NDUFA12: variants seen among roughly 807,000 people sequenced by gnomAD.
NDUFA12 encodes the protein NADH:ubiquinone oxidoreductase subunit A12.
Under a neutral mutation model 20.3 loss-of-function variants are expected in NDUFA12, and 17 were observed. That is an observed-to-expected ratio of 0.84 (90% confidence interval 0.57 to 1.26). NDUFA12 has a LOEUF of 1.26. NDUFA12 is among the 50% of genes most tolerant of loss of function. NDUFA12 has a pLI of 0.00. For missense variants in NDUFA12, 191 were observed against 183.7 expected (o/e 1.04, Z -0.23); for synonymous variants, 72 against 63.6 (o/e 1.13, Z -0.63).
intron 3 of NDUFA12, among the ~76,000 whole-genome samples, chr12:94,984,611 G>C (rs1024880179): frequency 9.3e-5 from 14 of 149,972 alleles, no homozygotes; most frequent in African/African-American, 2.9e-4. Flanking sequence ...GGCTGGAACA[G>C]AGAAACTCTA....
At chr12:94,974,886 G>T (rs1029225689) in intron 3 of NDUFA12, among the ~76,000 whole-genome samples, 15 of 152,002 alleles carry the variant, frequency 9.9e-5, no homozygotes, top group African/African-American at 3.6e-4. Flanking sequence ...AGGGGGAGGT[G>T]GGGATGGTTA....
intron 2 of NDUFA12, among the ~76,000 whole-genome samples, chr12:95,002,437 C>CAAAAAAA (rs71075895): frequency 4.6e-4 from 29 of 63,606 alleles, no homozygotes; most frequent in African/African-American, 9.0e-4. Context: ...GACTCCATCT[C>CAAAAAAA]AAAAAAAAAA....
At chr12:94,998,896 C>T (rs1238865742) in intron 2 of NDUFA12, among the ~76,000 whole-genome samples, 4 of 151,990 alleles carry the variant, frequency 2.6e-5, no homozygotes, top group South Asian at 2.1e-4. Flanking sequence ...ATTGTGAAAA[C>T]GACTATATGG....
intron 2 of NDUFA12, among the ~76,000 whole-genome samples, chr12:94,995,218 C>T (rs917463761): frequency 3.3e-5 from 5 of 152,158 alleles, no homozygotes; most frequent in Admixed American, 2.0e-4. Context: ...AATTGACTAA[C>T]GGTACTTAAA....
intron 3 of NDUFA12, among the ~76,000 whole-genome samples, chr12:94,987,002 C>T (rs567406389): frequency 1.5e-4 from 23 of 152,206 alleles, no homozygotes; most frequent in East Asian, 3.9e-4. Flanking sequence ...TAAGGGGATA[C>T]TTACATAACC....
At chr12:94,988,724 T>G (rs574754627) in intron 3 of NDUFA12, among the ~76,000 whole-genome samples, 1 of 152,234 alleles carries the variant, frequency 6.6e-6, no homozygotes, top group South Asian at 2.1e-4. Flanking sequence ...AGCAGTTACA[T>G]CAGACTGAGA....
chr12:95,001,184 T>G (rs1314937785), intron 2 of NDUFA12, among the ~76,000 whole-genome samples: 1 of 152,000 alleles, frequency 6.6e-6, no homozygotes, highest in African/African-American at 2.4e-5. Flanking sequence ...TGCATGACTG[T>G]GGTCCCAGCT....
intron 2 of NDUFA12, among the ~76,000 whole-genome samples, chr12:95,002,333 CA>C (rs1170014596): frequency 2.7e-5 from 4 of 148,314 alleles, no homozygotes; most frequent in Non-Finnish European, 5.9e-5. Context: ...CCCAACTACT[CA>C]GGCAGGCTGA....
chr12:94,973,327 A>C lies in NDUFA12; in HGVS notation c.258-1707T>G, dbSNP rs974902016. 2.6e-5 allele frequency among the ~76,000 whole-genome samples: 4 copies of C among 152,192 alleles called. No homozygotes were observed. The South Asian group carries it at 6.2e-4, about 24-fold the overall frequency. On this transcript the variant is annotated intron_variant, in intron 3 of 3. Coordinates refer to ENST00000327772, the MANE Select transcript of NDUFA12 (RefSeq NM_018838.5). ...GTCAGTGTCTGTCTTACATCCTCTAAAGGAAGCTGGGGATTAGTGAAAGTG... is the reference window on the plus strand; with the variant it reads ...GTCAGTGTCTGTCTTACATCCTCTACAGGAAGCTGGGGATTAGTGAAAGTG...
intron 2 of NDUFA12, among the ~76,000 whole-genome samples, chr12:95,002,155 C>A (rs1315027243): frequency 6.6e-6 from 1 of 151,542 alleles, no homozygotes; most frequent in Non-Finnish European, 1.5e-5. Context: ...TTGAAAAATA[C>A]TCAAGGCTGG....
At chr12:94,990,167 C>A in intron 3 of NDUFA12, among the ~76,000 whole-genome samples, 1 of 151,978 alleles carries the variant, frequency 6.6e-6, no homozygotes, top group East Asian at 1.9e-4. Flanking sequence ...GTGCAGCAAA[C>A]CATCATGGCA....
At chr12:95,003,547 A>C in intron 1 of NDUFA12, 48 bp downstream of exon 1, 1 of 1,590,708 alleles carries the variant, frequency 6.3e-7, no homozygotes, top group African/African-American at 1.3e-5. Context: ...GAAATCAGCC[A>C]GCGAAAGTCC....
intron 3 of NDUFA12, among the ~76,000 whole-genome samples, chr12:94,986,469 ATAAG>A (rs757810428): frequency 2.0e-5 from 3 of 152,216 alleles, no homozygotes; most frequent in Non-Finnish European, 4.4e-5. Context: ...CAAAAAAATG[ATAAG>A]TATGTGAGGT....
chr12:95,003,591 C>T lies in NDUFA12; in HGVS notation c.86+4G>A. 6.2e-7 allele frequency: 1 copy of T among 1,614,052 alleles called. No homozygotes were observed. Among genetic ancestry groups the T allele is most frequent in the Non-Finnish European group, 8.5e-7 (1 of 1,180,012 alleles). On this transcript the variant is annotated splice_donor_region_variant and intron_variant, in intron 1 of 3. Coordinates refer to ENST00000327772, the MANE Select transcript of NDUFA12 (RefSeq NM_018838.5). ...AGGCCAAGAGCATGGCTCTGGCCGCCTACCTGAAAAAAACCCGTAGATAGC... is the reference window on the plus strand; with the variant it reads ...AGGCCAAGAGCATGGCTCTGGCCGCTTACCTGAAAAAAACCCGTAGATAGC...
chr12:95,000,948 AC>A lies in NDUFA12; in HGVS notation c.169+1790del, dbSNP rs376702265. On this transcript the variant is annotated intron_variant, in intron 2 of 3. Transcript: ENST00000327772. ...GTACCCTAGAACTTAAAATAAAAAAACAACAACAAACTATTCTAAAAAATGT... is the reference window on the plus strand; with the variant it reads ...GTACCCTAGAACTTAAAATAAAAAAAAACAACAAACTATTCTAAAAAATGT... 1.1e-4 allele frequency among the ~76,000 whole-genome samples: 17 copies of A among 152,324 alleles called. No individual in the cohort carries two copies. In the South Asian group the frequency reaches 1.4e-3, roughly 13 times the overall value.
chr12:94,979,601 C>A (rs1051290001), intron 3 of NDUFA12, among the ~76,000 whole-genome samples: 2 of 151,960 alleles, frequency 1.3e-5, no homozygotes, highest in African/African-American at 4.8e-5. Context: ...AAGGCTGAGG[C>A]AGGCGGATCA....
chr12:94,983,032 C>T (rs992785391), intron 3 of NDUFA12, among the ~76,000 whole-genome samples: 1 of 152,128 alleles, frequency 6.6e-6, no homozygotes, highest in Admixed American at 6.5e-5. Flanking sequence ...CACCTTCTCA[C>T]GTGGTCGTCT....
chr12:94,999,526 C>A (rs1469284839), intron 2 of NDUFA12, among the ~76,000 whole-genome samples: 1 of 152,100 alleles, frequency 6.6e-6, no homozygotes, highest in Non-Finnish European at 1.5e-5. Flanking sequence ...AAATAATCAG[C>A]AGAGTAAACA....
chr12:94,999,255 TG>T (rs1489003318), intron 2 of NDUFA12, among the ~76,000 whole-genome samples: 1 of 152,128 alleles, frequency 6.6e-6, no homozygotes, highest in Non-Finnish European at 1.5e-5. Context: ...ATTCAACAAA[TG>T]GTGTTGGAAA....
Sources: allele counts gnomAD v4.1 joint callset (sites outside exome capture counted in the v4.1 genomes callset), GRCh38; gene constraint gnomAD v4.1.1; transcripts MANE v1.5; gene names NCBI Gene and HGNC (gene_info 2026-07-23, HGNC 2026-07-21).